The following FOXN4 variants were observed in gnomAD, a reference collection of about 807,000 sequenced individuals.
FOXN4 encodes forkhead box N4, also known as forkhead box protein N4.
In FOXN4, 12 loss-of-function variants were observed where a neutral mutation model predicts 45.0. The observed-to-expected ratio is 0.27, with a 90% CI of 0.17 to 0.43. The LOEUF (loss-of-function observed/expected upper bound fraction) is 0.43, where lower values mean the gene tolerates loss of function less well. Among genes scored for constraint, FOXN4 ranks in the 20% least tolerant of loss-of-function variants. The pLI, the probability that FOXN4 is intolerant of heterozygous loss-of-function variation, is 1.00. For synonymous variants in FOXN4, 297 were observed against 295.0 expected, an observed-to-expected ratio of 1.01 and a Z score of -0.07; for missense variants, 560 against 694.9, an observed-to-expected ratio of 0.81 and a Z score of 2.18.
At position 109,279,364 on chromosome 12, in the gene FOXN4, C is replaced by T. The variant is rs1385999082; in HGVS notation, c.*307G>A. The stretch of plus-strand genomic sequence containing the variant: ...ATGGAGAAGTCTCACTCAACACGGG[C>T]AGGCATTGCGGCTCAGGCCTCGGAG... On this transcript the variant is annotated 3_prime_UTR_variant, in exon 10 of 10. Transcript: ENST00000299162. 6.8e-6 allele frequency: 3 copies of T among 438,184 alleles called. No homozygotes were observed. The highest frequency in any genetic ancestry group is 3.5e-5 in the Admixed American group (1 of 28,864). 27.1% of individuals were successfully genotyped at this position (438,184 alleles called of 1,614,324 possible). A position where few individuals can be genotyped will look rare whatever the true frequency, so the allele number is the denominator to read the frequency against.
At position 109,279,759 on chromosome 12, in the gene FOXN4, G is replaced by C; in HGVS notation, c.1466C>G (p.Ser489Cys). The C allele has an allele frequency of 6.3e-7, 1 of 1,594,494 alleles. No homozygotes were observed. Among genetic ancestry groups the C allele is most frequent in the Non-Finnish European group, 8.5e-7 (1 of 1,170,564 alleles). ...LQVTGLYTAY[S>C]TPDSVAASGT... ...CGATGCAGCCACACTGTCCGGAGTG[G>C]AGTACGCTGTGTAGAGACCCGTCAC... is the stretch of plus-strand genomic sequence containing the variant. Residue 489 changes from serine to cysteine, a missense_variant, in exon 10 of 10, where the codon TCC becomes TGC. Ser to Cys is a moderately radical substitution (Grantham distance 112, BLOSUM62 -1). Transcript: ENST00000299162.
intron 2 of FOXN4, among the ~76,000 whole-genome samples, chr12:109,294,384 CTG>C (rs2047797307): frequency 6.6e-6 from 1 of 152,098 alleles, no homozygotes; most frequent in Non-Finnish European, 1.5e-5. Flanking sequence ...AGGTGAGCCA[CTG>C]TGTGACTGAC....
At chr12:109,308,356 C>T in intron 1 of FOXN4, 32 bp from the exon 2 acceptor site, 1 of 1,495,052 alleles carries the variant, frequency 6.7e-7, no homozygotes, top group Non-Finnish European at 9.1e-7. Flanking sequence ...AACAAAGCTC[C>T]CATCAGCGAC....
At chr12:109,289,082 C>A (rs905258634) in intron 3 of FOXN4, among the ~76,000 whole-genome samples, 1 of 152,204 alleles carries the variant, frequency 6.6e-6, no homozygotes, top group African/African-American at 2.4e-5. Context: ...TAAACACCTC[C>A]GCATTCAAGG....
At chr12:109,298,194 TGTGCA>T (rs2047834746) in intron 2 of FOXN4, among the ~76,000 whole-genome samples, 1 of 152,062 alleles carries the variant, frequency 6.6e-6, no homozygotes, top group Non-Finnish European at 1.5e-5. Flanking sequence ...AAACAGGAGC[TGTGCA>T]TTAGGGCATC....
In FOXN4 at chr12:109,287,566, GAGA is replaced by G. The variant is rs2047725703; in HGVS notation, c.469-45_469-43del. 1.3e-6 allele frequency: 2 copies of G among 1,485,920 alleles called. No individual in the cohort carries two copies. The highest frequency in any genetic ancestry group is 1.4e-5 in the African/African-American group (1 of 70,698). 92.0% of individuals were successfully genotyped at this position (1,485,920 alleles called of 1,614,324 possible). ...GCAGGGAGAAAGTGGCAGAGAAAGA[GAGA>G]AGGTGAGAAATAACATACGTCACTC... On this transcript the variant is annotated intron_variant, in intron 5 of 9. Transcript: ENST00000299162. The surrounding 1 kb of genome is among the most constrained non-coding windows in gnomAD (Gnocchi z 4.1).
intron 2 of FOXN4, among the ~76,000 whole-genome samples, chr12:109,302,469 T>G (rs1038912067): frequency 6.6e-6 from 1 of 152,200 alleles, no homozygotes; most frequent in Non-Finnish European, 1.5e-5. Context: ...TTGAGTTTAG[T>G]TGAAATCTCA....
intron 2 of FOXN4, among the ~76,000 whole-genome samples, chr12:109,304,283 GAAAGAAAGAAAGGAGAA>G (rs2047899206): frequency 3.6e-5 from 2 of 55,850 alleles, no homozygotes; most frequent in Non-Finnish European, 4.0e-5. Context: ...AAGAAAGAAA[GAAAGAAAGAAAGGAGAA>G]AGAAAGAAGG....
chr12:109,295,945 T>C (rs2047812850), intron 2 of FOXN4, among the ~76,000 whole-genome samples: 1 of 152,114 alleles, frequency 6.6e-6, no homozygotes, highest in South Asian at 2.1e-4. Context: ...CTGATGTGCT[T>C]CCTAACCTTC....
chr12:109,287,817 T>C lies in FOXN4; in HGVS notation c.468+27A>G. Reference sequence around the variant, plus strand: ...CCAAGGCAGGGTGTCTGCTGCTCAGTCCAGGGCTCCCCTGAGCCCTTGGTA... The same window carrying C: ...CCAAGGCAGGGTGTCTGCTGCTCAGCCCAGGGCTCCCCTGAGCCCTTGGTA... On this transcript the variant is annotated intron_variant, in intron 5 of 9. Coordinates refer to ENST00000299162, the MANE Select transcript of FOXN4 (RefSeq NM_213596.3). The surrounding 1 kb of genome is among the most constrained non-coding windows in gnomAD (Gnocchi z 4.1). 6.5e-7 allele frequency: 1 copy of C among 1,537,028 alleles called. No homozygotes were observed.
At position 109,287,710 on chromosome 12, in the gene FOXN4, AC is replaced by A. The variant is rs1056710534; in HGVS notation, c.468+133del. On this transcript the variant is annotated intron_variant, in intron 5 of 9. Coordinates refer to ENST00000299162, the MANE Select transcript of FOXN4 (RefSeq NM_213596.3). The surrounding 1 kb of genome is among the most constrained non-coding windows in gnomAD (Gnocchi z 4.1). Reference sequence around the variant, plus strand: ...GAGTTTTGGGGGAACGGAATGAATGACCCCATGACATGAGCATGGAGGGAAT... The same window carrying A: ...GAGTTTTGGGGGAACGGAATGAATGACCCATGACATGAGCATGGAGGGAAT... 8 of 1,099,088 alleles carry A rather than the reference AC, an allele frequency of 7.3e-6. No individual in the cohort carries two copies. In the Middle Eastern group the frequency reaches 8.1e-4, roughly 112 times the overall value. 68.1% of individuals were successfully genotyped at this position (1,099,088 alleles called of 1,614,324 possible). A position where few individuals can be genotyped will look rare whatever the true frequency, so the allele number is the denominator to read the frequency against.
At chr12:109,295,690 GC>G (rs2047810326) in intron 2 of FOXN4, among the ~76,000 whole-genome samples, 1 of 152,246 alleles carries the variant, frequency 6.6e-6, no homozygotes, top group Non-Finnish European at 1.5e-5. Flanking sequence ...GGAGGCTGAG[GC>G]AGGAGAATTG....
At chr12:109,289,449 C>T (rs1449840604) in intron 3 of FOXN4, among the ~76,000 whole-genome samples, 2 of 152,208 alleles carry the variant, frequency 1.3e-5, no homozygotes, top group African/African-American at 2.4e-5. Flanking sequence ...TGCCCAAGAA[C>T]GATTTGCCCA....
intron 8 of FOXN4, among the ~76,000 whole-genome samples, chr12:109,284,911 T>C (rs1458716895): frequency 1.4e-5 from 2 of 147,638 alleles, no homozygotes; most frequent in African/African-American, 2.5e-5. Flanking sequence ...TGTGTGTGCA[T>C]TTGTGTGTGT....
chr12:109,289,836 A>G (rs2047749124), intron 3 of FOXN4, among the ~76,000 whole-genome samples: 1 of 152,228 alleles, frequency 6.6e-6, no homozygotes, highest in Admixed American at 6.5e-5. Flanking sequence ...AACAGGTCGT[A>G]GGCTGCATTT....
In FOXN4 at chr12:109,278,130, G is replaced by A. The variant is rs1398671036; in HGVS notation, c.*1541C>T. 6.6e-6 allele frequency: 1 copy of A among 152,260 alleles called. No individual in the cohort carries two copies. The highest frequency in any genetic ancestry group is 1.9e-4 in the East Asian group (1 of 5,198). 9.4% of individuals were successfully genotyped at this position (152,260 alleles called of 1,614,324 possible). A position where few individuals can be genotyped will look rare whatever the true frequency, so the allele number is the denominator to read the frequency against. On this transcript the variant is annotated 3_prime_UTR_variant, in exon 10 of 10. Transcript: ENST00000299162. ...CAGATGAGCAGTGCAGGTCAGACGG[G>A]TAGCACTGGGATTGTGTCTAAGGGT...
chr12:109,289,687 C>G (rs1292629392), intron 3 of FOXN4, among the ~76,000 whole-genome samples: 1 of 152,214 alleles, frequency 6.6e-6, no homozygotes, highest in Non-Finnish European at 1.5e-5. Context: ...TCTTGGAATC[C>G]TCTTGATCAG....
At chr12:109,286,805 G>A in intron 6 of FOXN4, 61 bp from the exon 7 acceptor site, 1 of 1,545,076 alleles carries the variant, frequency 6.5e-7, no homozygotes, top group Non-Finnish European at 8.7e-7. Flanking sequence ...AGGCATGAAA[G>A]GGTCTCAGGC....
chr12:109,284,547 G>A (rs2136915531), intron 8 of FOXN4, among the ~76,000 whole-genome samples: 1 of 152,020 alleles, frequency 6.6e-6, no homozygotes, highest in Admixed American at 6.5e-5. Context: ...TCTTCCACTT[G>A]TGTGTGCGCA....
Sources: gnomAD v4.1 joint callset for allele counts (sites outside exome capture counted in the v4.1 genomes callset) on GRCh38, gnomAD v4.1.1 for gene constraint, Gnocchi (gnomAD v3.1) non-coding constraint, MANE v1.5 for transcripts, NCBI Gene and HGNC (gene_info 2026-07-23, HGNC 2026-07-21) for gene names.